UBOX5: variants seen among roughly 807,000 people sequenced by gnomAD.
UBOX5 encodes RING finger protein 37.
Under a neutral mutation model 39.0 loss-of-function variants are expected in UBOX5, and 28 were observed. That is an observed-to-expected ratio of 0.72 (90% CI 0.53 to 0.98). The LOEUF (loss-of-function observed/expected upper bound fraction) is 0.98. UBOX5 is among the 50% of genes least tolerant of loss of function. The pLI is 0.00. For missense variants in UBOX5, 585 were observed against 674.4 expected, an observed-to-expected ratio of 0.87 and a Z score of 1.47; for synonymous variants, 283 against 275.5, an observed-to-expected ratio of 1.03 and a Z score of -0.27.
chr20:3,158,628 C>A (rs901486745), intron 1 of UBOX5, among the ~76,000 whole-genome samples: 2 of 152,188 alleles, frequency 1.3e-5, no homozygotes, highest in Non-Finnish European at 2.9e-5. Context: ...GCGCCCGCCA[C>A]CACGCCCAGC....
chr20:3,124,025 AC>A (rs1403336972), intron 1 of UBOX5, among the ~76,000 whole-genome samples: 1 of 151,334 alleles, frequency 6.6e-6, no homozygotes, highest in Non-Finnish European at 1.5e-5. Flanking sequence ...TGTTGTAGAG[AC>A]CCCATCTCTA....
chr20:3,118,800 G>A (rs922894769), intron 3 of UBOX5, among the ~76,000 whole-genome samples: 2 of 152,030 alleles, frequency 1.3e-5, no homozygotes, highest in African/African-American at 2.4e-5. Flanking sequence ...TCAGCCAGGC[G>A]TGTTGGCACG....
intron 1 of UBOX5, among the ~76,000 whole-genome samples, chr20:3,128,335 T>C (rs1264067648): frequency 1.3e-5 from 2 of 152,196 alleles, no homozygotes; most frequent in African/African-American, 2.4e-5. Context: ...TTAAAATAAA[T>C]ATATAGCCAA....
chr20:3,141,578 G>A (rs544227160), intron 1 of UBOX5, among the ~76,000 whole-genome samples: 19 of 152,134 alleles, frequency 1.2e-4, no homozygotes, highest in East Asian at 3.9e-4. Context: ...CCCGGGAGGC[G>A]GAGGTTGTGG....
At chr20:3,129,388 A>C (rs140400035) in intron 1 of UBOX5, among the ~76,000 whole-genome samples, 113 of 152,340 alleles carry the variant, frequency 7.4e-4, no homozygotes, top group Middle Eastern at 3.4e-3. Flanking sequence ...ATTGATAAAA[A>C]TTCAGTGGCC....
At chr20:3,136,952 G>A (rs115487131) in intron 1 of UBOX5, among the ~76,000 whole-genome samples, 1,887 of 131,214 alleles carry the variant, frequency 0.014, 17 homozygotes, top group South Asian at 0.064. Context: ...ACTGCACCCA[G>A]TCCCTGTTTT....
intron 4 of UBOX5, among the ~76,000 whole-genome samples, chr20:3,112,162 G>A (rs1290268507): frequency 6.6e-6 from 1 of 151,806 alleles, no homozygotes; most frequent in Non-Finnish European, 1.5e-5. Flanking sequence ...GGGAGGGAGG[G>A]GGGAAAGAAG....
At position 3,149,754 on chromosome 20, in the gene UBOX5, A is replaced by G. The variant is rs555388499; in HGVS notation, c.-42+10012T>C. ...TTAGTTGGCTGGGTGTGGGTGGCTC[A>G]TGCCTGTAATGCCAGCACTTTGGGA... On this transcript the variant is annotated intron_variant, in intron 1 of 4. Coordinates refer to ENST00000217173, the MANE Select transcript of UBOX5 (RefSeq NM_014948.4). The surrounding 1 kb of genome is among the most constrained non-coding windows in gnomAD (Gnocchi z 4.1). 1.6e-3 allele frequency among the ~76,000 whole-genome samples: 245 copies of G among 152,330 alleles called. 1 individual carries two copies. The highest frequency in any genetic ancestry group is 1.8e-3 in the Admixed American group (27 of 15,288).
intron 1 of UBOX5, among the ~76,000 whole-genome samples, chr20:3,158,770 G>T (rs769316070): frequency 6.6e-6 from 1 of 152,210 alleles, no homozygotes; most frequent in Non-Finnish European, 1.5e-5. Context: ...CACTGTGTCC[G>T]GCCCAGATTT....
chr20:3,114,808 C>T (rs878975176), intron 4 of UBOX5, among the ~76,000 whole-genome samples: 1 of 152,032 alleles, frequency 6.6e-6, no homozygotes, highest in African/African-American at 2.4e-5. Flanking sequence ...ATTAGCCGGG[C>T]ATGGTGGCGG....
At chr20:3,151,774 A>T (rs988500402) in intron 1 of UBOX5, 3 of 152,162 alleles carry the variant, frequency 2.0e-5, no homozygotes, top group Non-Finnish European at 4.4e-5. Context: ...TAGGAAATCC[A>T]ATTAATACTA....
At chr20:3,153,228 T>C (rs1478865515) in intron 1 of UBOX5, among the ~76,000 whole-genome samples, 1 of 152,228 alleles carries the variant, frequency 6.6e-6, no homozygotes, top group African/African-American at 2.4e-5. Flanking sequence ...AAAAGAACCA[T>C]CTCCTAGAAC....
chr20:3,157,355 G>A (rs1334756456), intron 1 of UBOX5, among the ~76,000 whole-genome samples: 2 of 152,212 alleles, frequency 1.3e-5, no homozygotes, highest in East Asian at 1.9e-4. Flanking sequence ...AGTGTCACTC[G>A]CAGGTCTAAG....
intron 1 of UBOX5, among the ~76,000 whole-genome samples, chr20:3,145,390 C>T (rs1456582434): frequency 1.3e-5 from 2 of 151,336 alleles, no homozygotes; most frequent in African/African-American, 4.9e-5. Context: ...CAAGAGATCA[C>T]CCAAAGTGCT....
chr20:3,134,466 AAT>A (rs1451105484), intron 1 of UBOX5, among the ~76,000 whole-genome samples: 2 of 151,696 alleles, frequency 1.3e-5, no homozygotes, highest in Non-Finnish European at 2.9e-5. Context: ...TATATAATAG[AAT>A]ATATGCTTGA....
chr20:3,149,402 C>G lies in UBOX5; in HGVS notation c.-42+10364G>C, dbSNP rs906551329. The G allele has an allele frequency of 1.4e-5, 4 of 288,726 alleles. No individual in the cohort carries two copies. The highest frequency in any genetic ancestry group is 2.6e-5 in the Non-Finnish European group (4 of 154,842). 17.9% of individuals were successfully genotyped at this position (288,726 alleles called of 1,614,324 possible). On this transcript the variant is annotated intron_variant, in intron 1 of 4. Coordinates refer to ENST00000217173, the MANE Select transcript of UBOX5 (RefSeq NM_014948.4). The surrounding 1 kb of genome is among the most constrained non-coding windows in gnomAD (Gnocchi z 4.1). Reference sequence around the variant, plus strand: ...AGTAAATGCCCAAACCACATGACAGCATATATCAAGGATAAATTCTGCGGT... The same window carrying G: ...AGTAAATGCCCAAACCACATGACAGGATATATCAAGGATAAATTCTGCGGT...
chr20:3,128,092 G>T (rs1343642311), intron 1 of UBOX5, among the ~76,000 whole-genome samples: 2 of 152,130 alleles, frequency 1.3e-5, no homozygotes, highest in African/African-American at 4.8e-5. Flanking sequence ...ATGTCTCCAG[G>T]CTTCTGATAC....
At chr20:3,133,010 G>A (rs768902496) in intron 1 of UBOX5, among the ~76,000 whole-genome samples, 10 of 151,922 alleles carry the variant, frequency 6.6e-5, no homozygotes, top group Non-Finnish European at 1.3e-4. Flanking sequence ...GGGGGAAAAA[G>A]TGATTGAAAA....
chr20:3,123,017 A>C (rs1293428996), intron 2 of UBOX5, among the ~76,000 whole-genome samples: 1 of 152,214 alleles, frequency 6.6e-6, no homozygotes, highest in Admixed American at 6.5e-5. Flanking sequence ...AGGGGAGAGA[A>C]AGTATTTCTA....
Sources: gnomAD v4.1 joint callset for allele counts (sites outside exome capture counted in the v4.1 genomes callset) on GRCh38, gnomAD v4.1.1 for gene constraint, Gnocchi (gnomAD v3.1) non-coding constraint, MANE v1.5 for transcripts, NCBI Gene and HGNC (gene_info 2026-07-23, HGNC 2026-07-21) for gene names.